The following NALF1 variants were observed in gnomAD, a reference collection of about 807,000 sequenced individuals.
NALF1 encodes family with sequence similarity 155 member A.
Under a neutral mutation model 48.4 loss-of-function variants are expected in NALF1, and 3 were observed. The observed-to-expected ratio is 0.06, with a 90% CI of 0.03 to 0.16. The LOEUF is 0.16. Ranked by LOEUF, NALF1 falls within the 10% of genes least tolerant of loss-of-function variation. The pLI is 1.00. For missense variants in NALF1, 526 were observed against 571.5 expected (o/e 0.92, Z 0.81); for synonymous variants, 262 against 245.7 (o/e 1.07, Z -0.62).
chr13:107,608,735 A>G (rs1265074258), intron 1 of NALF1, among the ~76,000 whole-genome samples: 2 of 152,246 alleles, frequency 1.3e-5, no homozygotes, highest in African/African-American at 2.4e-5. Context: ...TCCGAAAAAA[A>G]TAGAATTCAT....
At chr13:107,228,915 C>A (rs1421101152) in intron 1 of NALF1, among the ~76,000 whole-genome samples, 3 of 152,068 alleles carry the variant, frequency 2.0e-5, no homozygotes, top group Non-Finnish European at 4.4e-5. Flanking sequence ...GCCACCACGC[C>A]CGCCTGGGTG....
Position 107,411,592 on chromosome 13 carries a change from C to A in NALF1, c.916-200837G>T, listed in dbSNP as rs114522977. Among the ~76,000 whole-genome samples, 850 of 152,248 alleles carry A rather than the reference C, an allele frequency of 5.6e-3. 10 individuals are homozygous for A. Among genetic ancestry groups the A allele is most frequent in the African/African-American group, 0.02 (815 of 41,556 alleles). ...GCACTGCAGATGGAGCACTGAGAAG[C>A]CGTCATTGTCGTACTCTTCACCATG... On this transcript the variant is annotated intron_variant, in intron 1 of 2. Coordinates refer to ENST00000375915, the MANE Select transcript of NALF1 (RefSeq NM_001080396.3).
chr13:107,684,910 C>T (rs1011318265), intron 1 of NALF1, among the ~76,000 whole-genome samples: 1 of 152,312 alleles, frequency 6.6e-6, no homozygotes, highest in Admixed American at 6.5e-5. Context: ...CCTAGTTACA[C>T]CCTTTCCTTC....
chr13:107,623,445 A>C (rs148166366), intron 1 of NALF1, among the ~76,000 whole-genome samples: 1 of 139,734 alleles, frequency 7.2e-6, no homozygotes, highest in Admixed American at 7.2e-5. Flanking sequence ...TAAAGAAATT[A>C]GAAAAAAAAA....
chr13:107,237,265 T>C (rs537254485), intron 1 of NALF1, among the ~76,000 whole-genome samples: 277 of 151,388 alleles, frequency 1.8e-3, no homozygotes, highest in South Asian at 5.2e-3. Context: ...AGTTAAACTA[T>C]GTCAATAGTT....
intron 1 of NALF1, among the ~76,000 whole-genome samples, chr13:107,783,285 A>G (rs1594263840): frequency 1.1e-3 from 87 of 78,646 alleles, no homozygotes; most frequent in East Asian, 2.5e-3. Context: ...CCGGGAGGTG[A>G]GGGGCGCCTC....
At chr13:107,182,123 C>T (rs1424119461) in intron 2 of NALF1, among the ~76,000 whole-genome samples, 1 of 152,072 alleles carries the variant, frequency 6.6e-6, no homozygotes, top group Non-Finnish European at 1.5e-5. Context: ...TCCCTACTTT[C>T]GTCATCGCCT....
intron 1 of NALF1, among the ~76,000 whole-genome samples, chr13:107,316,178 G>A (rs971613823): frequency 2.0e-5 from 3 of 152,074 alleles, no homozygotes; most frequent in African/African-American, 7.2e-5. Flanking sequence ...ATAGTTTGCT[G>A]AGAATGATGG....
chr13:107,446,111 G>A (rs747473534), intron 1 of NALF1, among the ~76,000 whole-genome samples: 5 of 152,060 alleles, frequency 3.3e-5, no homozygotes, highest in Non-Finnish European at 4.4e-5. Context: ...GCTAATTTTC[G>A]TATTTTTAGT....
intron 1 of NALF1, among the ~76,000 whole-genome samples, chr13:107,568,258 G>A (rs974208492): frequency 6.6e-6 from 1 of 152,184 alleles, no homozygotes; most frequent in Non-Finnish European, 1.5e-5. Context: ...TAGGATTATA[G>A]GTGTGGGCCA....
intron 1 of NALF1, among the ~76,000 whole-genome samples, chr13:107,661,795 T>A (rs1880740511): frequency 6.6e-6 from 1 of 152,212 alleles, no homozygotes; most frequent in Admixed American, 6.5e-5. Flanking sequence ...AAATATATTC[T>A]ACAACACTAA....
chr13:107,636,777 A>G (rs1031257001), intron 1 of NALF1, among the ~76,000 whole-genome samples: 4 of 151,614 alleles, frequency 2.6e-5, no homozygotes, highest in Non-Finnish European at 5.9e-5. Flanking sequence ...ACTGCCCAGT[A>G]TTTAAATTTC....
chr13:107,809,958 TTCTC>T (rs1488295094), intron 1 of NALF1, among the ~76,000 whole-genome samples: 1 of 151,808 alleles, frequency 6.6e-6, no homozygotes, highest in East Asian at 1.9e-4. Flanking sequence ...CTCATTTCCA[TTCTC>T]TCTCTCTCCT....
At chr13:107,552,674 C>G (rs1378541736) in intron 1 of NALF1, among the ~76,000 whole-genome samples, 1 of 151,990 alleles carries the variant, frequency 6.6e-6, no homozygotes, top group Non-Finnish European at 1.5e-5. Context: ...ATTCAAGGCA[C>G]TATAACACAT....
intron 1 of NALF1, among the ~76,000 whole-genome samples, chr13:107,549,714 G>T (rs1333298623): frequency 2.0e-5 from 3 of 152,038 alleles, no homozygotes; most frequent in African/African-American, 7.2e-5. Context: ...ATTTAAACAA[G>T]AACAATCTTC....
rs144321346 is a variant in NALF1 at position 107,644,217 on chromosome 13, C to T, written c.915+221465G>A. ...TTTTAATACAGAATAAAATACAGAA[C>T]GCCAAGGTGAATTTTTAATGATAGG... On this transcript the variant is annotated intron_variant, in intron 1 of 2. Transcript: ENST00000375915. Among the ~76,000 whole-genome samples, 1,103 of 151,848 alleles carry T rather than the reference C, an allele frequency of 7.3e-3. 21 individuals are homozygous for T. The highest frequency in any genetic ancestry group is 0.026 in the African/African-American group (1,065 of 41,396).
At chr13:107,590,779 G>A (rs1048863351) in intron 1 of NALF1, among the ~76,000 whole-genome samples, 1 of 151,676 alleles carries the variant, frequency 6.6e-6, no homozygotes, top group Admixed American at 6.6e-5. Context: ...ATGTCGCAGT[G>A]GTAACTGAGA....
chr13:107,348,473 T>A (rs1036051354), intron 1 of NALF1, among the ~76,000 whole-genome samples: 2 of 152,098 alleles, frequency 1.3e-5, no homozygotes, highest in Non-Finnish European at 2.9e-5. Context: ...ATGTGCAGAG[T>A]GTGCAGGTTT....
chr13:107,589,375 T>C (rs1268490561), intron 1 of NALF1, among the ~76,000 whole-genome samples: 4 of 152,062 alleles, frequency 2.6e-5, no homozygotes, highest in African/African-American at 7.2e-5. Flanking sequence ...GCAATGGCAA[T>C]CTTTCTACTA....
Sources: gnomAD v4.1 joint callset for allele counts (sites outside exome capture counted in the v4.1 genomes callset) on GRCh38, gnomAD v4.1.1 for gene constraint, MANE v1.5 for transcripts, NCBI Gene and HGNC (gene_info 2026-07-23, HGNC 2026-07-21) for gene names.